PTPRT: variants seen among roughly 807,000 people sequenced by gnomAD.
The protein encoded by PTPRT is receptor-type tyrosine-protein phosphatase T.
PTPRT carries 56 observed loss-of-function variants against 176.8 expected under a neutral mutation model. That is an observed-to-expected ratio of 0.32 (90% confidence interval 0.26 to 0.40). The LOEUF is 0.40. Ranked by LOEUF, PTPRT falls within the 10% of genes least tolerant of loss-of-function variation. PTPRT has a pLI of 1.00. For missense variants in PTPRT, 1,540 were observed against 1,908.2 expected (o/e 0.81, Z 3.60); for synonymous variants, 783 against 739.0 (o/e 1.06, Z -0.96).
intron 13 of PTPRT, among the ~76,000 whole-genome samples, chr20:42,251,957 C>A (rs2056557756): frequency 6.6e-6 from 1 of 152,090 alleles, no homozygotes; most frequent in Admixed American, 6.5e-5. Flanking sequence ...AGTGTGGAAC[C>A]AAAGTGGATT....
At chr20:42,175,915 T>C (rs901203041) in intron 16 of PTPRT, among the ~76,000 whole-genome samples, 1 of 152,210 alleles carries the variant, frequency 6.6e-6, no homozygotes, top group Admixed American at 6.5e-5. Context: ...AATGAAGATA[T>C]CAAGGAAGAC....
intron 6 of PTPRT, among the ~76,000 whole-genome samples, chr20:42,751,302 AG>A (rs1389641679): frequency 2.6e-5 from 4 of 152,114 alleles, no homozygotes; most frequent in African/African-American, 7.2e-5. Context: ...ATACCAGGAG[AG>A]GGGTGGTCCA....
In PTPRT at chr20:42,866,614, T is replaced by C. The variant is rs181257448; in HGVS notation, c.214+19193A>G. On this transcript the variant is annotated intron_variant, in intron 2 of 30. Transcript: ENST00000373187. ...AAGATAAATCTGATCAAACATTCCC[T>C]GACTTAATCTCTGATGAATCCTCAC... Among the ~76,000 whole-genome samples the C allele has an allele frequency of 1.1e-3, 173 of 152,314 alleles. 1 individual carries two copies. The highest frequency in any genetic ancestry group is 0.01 in the Admixed American group (159 of 15,298).
chr20:42,165,877 AT>A (rs1161197294), intron 16 of PTPRT, among the ~76,000 whole-genome samples: 14 of 152,228 alleles, frequency 9.2e-5, no homozygotes, highest in African/African-American at 3.4e-4. Flanking sequence ...CATGTATGTA[AT>A]TTAAGATGGT....
At chr20:42,689,373 C>G (rs776467343) in intron 6 of PTPRT, among the ~76,000 whole-genome samples, 1 of 152,140 alleles carries the variant, frequency 6.6e-6, no homozygotes, top group Non-Finnish European at 1.5e-5. Context: ...CAGGGGAAGA[C>G]CACCTTCCCA....
At chr20:42,142,205 G>T (rs950995210) in intron 17 of PTPRT, among the ~76,000 whole-genome samples, 1 of 152,192 alleles carries the variant, frequency 6.6e-6, no homozygotes, top group African/African-American at 2.4e-5. Flanking sequence ...AAATGTTATT[G>T]ATGTCTTCTG....
At chr20:42,680,536 G>T (rs986985055) in intron 6 of PTPRT, among the ~76,000 whole-genome samples, 63 of 152,292 alleles carry the variant, frequency 4.1e-4, no homozygotes, top group African/African-American at 1.5e-3. Flanking sequence ...GCTCCCATCA[G>T]TCTCCAATGA....
At chr20:43,043,025 A>G (rs1324858818) in intron 1 of PTPRT, among the ~76,000 whole-genome samples, 1 of 152,144 alleles carries the variant, frequency 6.6e-6, no homozygotes, top group Non-Finnish European at 1.5e-5. Flanking sequence ...GGCCCATCTG[A>G]ATCACAGAAA....
chr20:42,046,542 G>A, the PTPRT span, among the ~76,000 whole-genome samples: 1 of 152,136 alleles, frequency 6.6e-6, no homozygotes, highest in African/African-American at 2.4e-5. Context: ...GCTCTGGCAG[G>A]GATGCTGACA....
intron 23 of PTPRT, among the ~76,000 whole-genome samples, chr20:42,107,828 A>C (rs1055610817): frequency 6.6e-6 from 1 of 152,252 alleles, no homozygotes. Context: ...CAAAAAAGCA[A>C]TATTGGCTCA....
intron 1 of PTPRT, among the ~76,000 whole-genome samples, chr20:43,068,504 C>CAAAA (rs3092671): frequency 3.5e-5 from 2 of 56,538 alleles, no homozygotes; most frequent in Non-Finnish European, 4.5e-5. Context: ...GACTCTGTCT[C>CAAAA]AAAAAAAAAA....
chr20:42,299,616 G>C (rs1031341975), intron 12 of PTPRT, among the ~76,000 whole-genome samples: 7 of 146,602 alleles, frequency 4.8e-5, no homozygotes, highest in Non-Finnish European at 9.0e-5. Context: ...TGTTGGACTA[G>C]AATGGAGGTA....
At chr20:43,137,632 C>G (rs1297524663) in intron 1 of PTPRT, among the ~76,000 whole-genome samples, 1 of 152,162 alleles carries the variant, frequency 6.6e-6, no homozygotes, top group East Asian at 1.9e-4. Flanking sequence ...TGGGAAGATC[C>G]TCTGGGGCGG....
chr20:43,110,530 AG>A (rs1300763597), intron 1 of PTPRT, among the ~76,000 whole-genome samples: 2 of 152,178 alleles, frequency 1.3e-5, no homozygotes, highest in African/African-American at 2.4e-5. Flanking sequence ...GAGGGGACAG[AG>A]GGGGGCTTCC....
At chr20:42,948,937 C>T (rs537338159) in intron 1 of PTPRT, among the ~76,000 whole-genome samples, 14 of 152,272 alleles carry the variant, frequency 9.2e-5, no homozygotes, top group Admixed American at 2.6e-4. Context: ...GCTGGGAACA[C>T]GTTCCATGAA....
chr20:42,554,916 A>G (rs1443458301), intron 7 of PTPRT, among the ~76,000 whole-genome samples: 3 of 152,222 alleles, frequency 2.0e-5, no homozygotes, highest in Non-Finnish European at 4.4e-5. Context: ...TCCCTACCAC[A>G]AAAAGAAAAG....
At chr20:42,782,876 T>C (rs2077234570) in intron 3 of PTPRT, among the ~76,000 whole-genome samples, 1 of 152,198 alleles carries the variant, frequency 6.6e-6, no homozygotes, top group Non-Finnish European at 1.5e-5. Context: ...TCAAGGGACT[T>C]AAGTGAAGAA....
At chr20:42,255,988 C>T (rs2056631222) in intron 13 of PTPRT, among the ~76,000 whole-genome samples, 1 of 152,160 alleles carries the variant, frequency 6.6e-6, no homozygotes, top group African/African-American at 2.4e-5. Context: ...CAGTTTACCC[C>T]AGTCTACTGA....
intron 1 of PTPRT, among the ~76,000 whole-genome samples, chr20:43,006,283 G>A (rs984288372): frequency 1.3e-5 from 2 of 152,168 alleles, no homozygotes; most frequent in African/African-American, 4.8e-5. Context: ...TCATGAGAAA[G>A]AAAACTTTTA....
Sources: allele counts gnomAD v4.1 joint callset (sites outside exome capture counted in the v4.1 genomes callset), GRCh38; gene constraint gnomAD v4.1.1; transcripts MANE v1.5; gene names NCBI Gene and HGNC (gene_info 2026-07-23, HGNC 2026-07-21).